Variants in SESN1 observed in about 807,000 individuals in gnomAD.
The protein encoded by SESN1 is sestrin-1.
SESN1 carries 30 observed loss-of-function variants against 59.3 expected under a neutral mutation model. The observed-to-expected ratio is 0.51, with a 90% CI of 0.38 to 0.69. SESN1 has a LOEUF of 0.69. SESN1 is among the 30% of genes least tolerant of loss of function. SESN1 has a pLI of 0.00. For missense variants in SESN1, 566 were observed against 673.0 expected, an observed-to-expected ratio of 0.84 and a Z score of 1.76; for synonymous variants, 197 against 219.9, an observed-to-expected ratio of 0.90 and a Z score of 0.92.
intron 1 of SESN1, among the ~76,000 whole-genome samples, chr6:109,086,792 GT>G (rs915276250): frequency 6.6e-6 from 1 of 152,158 alleles, no homozygotes; most frequent in Non-Finnish European, 1.5e-5. Context: ...AAATGAATCA[GT>G]TTTTTTCATG....
chr6:109,029,563 T>C (rs150024027), intron 1 of SESN1, among the ~76,000 whole-genome samples: 3 of 152,138 alleles, frequency 2.0e-5, no homozygotes, highest in Non-Finnish European at 4.4e-5. Context: ...TTAAGATGGG[T>C]TCTTGCTCTG....
intron 1 of SESN1, among the ~76,000 whole-genome samples, chr6:109,027,476 C>CAAAA (rs57225616): frequency 0.11 from 2,904 of 27,314 alleles, 376 homozygotes; most frequent in Non-Finnish European, 0.18. Context: ...GACTCTGTCT[C>CAAAA]AAAAAAAAAA....
chr6:109,085,961 T>C (rs1043537477), intron 1 of SESN1, among the ~76,000 whole-genome samples: 1 of 152,214 alleles, frequency 6.6e-6, no homozygotes, highest in African/African-American at 2.4e-5. Flanking sequence ...TCCATGCTAA[T>C]TTGCTACAAC....
intron 1 of SESN1, among the ~76,000 whole-genome samples, chr6:109,050,614 C>A (rs1357202452): frequency 2.6e-5 from 4 of 152,158 alleles, no homozygotes; most frequent in Non-Finnish European, 5.9e-5. Context: ...AATAACCTAT[C>A]TATACAAATG....
chr6:109,072,439 A>G (rs552489555), intron 1 of SESN1, among the ~76,000 whole-genome samples: 1 of 152,346 alleles, frequency 6.6e-6, no homozygotes, highest in African/African-American at 2.4e-5. Flanking sequence ...AGTCACATAT[A>G]ATTTCCCCAA....
In SESN1 at chr6:109,072,672, T is replaced by C. The variant is rs114414139; in HGVS notation, c.279+21123A>G. On this transcript the variant is annotated intron_variant, in intron 1 of 9. Transcript: ENST00000436639. ...TAAAACAGTAACTTTTGATTCTTGATGCCTCATGTTTAATTATACAATGAC... is the reference window on the plus strand; with the variant it reads ...TAAAACAGTAACTTTTGATTCTTGACGCCTCATGTTTAATTATACAATGAC... Among the ~76,000 whole-genome samples the C allele has an allele frequency of 7.8e-3, 1,189 of 152,320 alleles. 21 individuals are homozygous for C. The highest frequency in any genetic ancestry group is 0.027 in the African/African-American group (1,142 of 41,558).
intron 1 of SESN1, among the ~76,000 whole-genome samples, chr6:109,091,623 T>G (rs1485709542): frequency 6.6e-6 from 1 of 152,254 alleles, no homozygotes; most frequent in Non-Finnish European, 1.5e-5. Context: ...ATTTATTCAT[T>G]TATCATGTCT....
At chr6:109,020,331 T>C (rs1779991137) in intron 1 of SESN1, among the ~76,000 whole-genome samples, 2 of 152,220 alleles carry the variant, frequency 1.3e-5, no homozygotes, top group African/African-American at 4.8e-5. Context: ...GATTATTTGT[T>C]TCATCTTTAT....
At chr6:109,027,123 T>C (rs961493515) in intron 1 of SESN1, among the ~76,000 whole-genome samples, 1 of 151,986 alleles carries the variant, frequency 6.6e-6, no homozygotes, top group Non-Finnish European at 1.5e-5. Context: ...TGGGCTGAGA[T>C]TGCATCACTG....
chr6:109,050,053 T>A (rs1780517486), intron 1 of SESN1, among the ~76,000 whole-genome samples: 1 of 152,206 alleles, frequency 6.6e-6, no homozygotes, highest in African/African-American at 2.4e-5. Flanking sequence ...AAACTCTGTA[T>A]ATGAAGTAAA....
At chr6:109,083,427 C>T (rs1476502148) in intron 1 of SESN1, among the ~76,000 whole-genome samples, 2 of 152,006 alleles carry the variant, frequency 1.3e-5, no homozygotes, top group Admixed American at 6.6e-5. Context: ...AATAGATAAG[C>T]ATAGGGTTTG....
At chr6:108,992,589 T>A (rs1779408720) in intron 7 of SESN1, among the ~76,000 whole-genome samples, 198 bp downstream of exon 7, 1 of 152,228 alleles carries the variant, frequency 6.6e-6, no homozygotes, top group African/African-American at 2.4e-5. Context: ...ATAAAATTTT[T>A]AAGATATACA....
intron 1 of SESN1, among the ~76,000 whole-genome samples, chr6:109,087,029 G>A (rs765207977): frequency 9.9e-5 from 15 of 152,202 alleles, no homozygotes; most frequent in Non-Finnish European, 1.8e-4. Flanking sequence ...CTACTCAGGA[G>A]GCTGAGGCAG....
intron 1 of SESN1, among the ~76,000 whole-genome samples, chr6:109,059,337 G>A (rs117530635): frequency 3.1e-3 from 470 of 152,180 alleles, no homozygotes; most frequent in Admixed American, 4.7e-3. Flanking sequence ...CTACTGCAAC[G>A]ATCAGTAGGT....
chr6:109,001,626 C>T, intron 2 of SESN1, 138 bp from the exon 3 acceptor site: 1 of 723,036 alleles, frequency 1.4e-6, no homozygotes, highest in Non-Finnish European at 2.3e-6. Context: ...CAAATTTAAA[C>T]TCAACTGGTT....
chr6:108,990,710 T>C lies in SESN1; in HGVS notation c.1359A>G (p.Lys453=). The change falls in exon 8 of 10, where the codon AAA becomes AAG. Residue 453 remains lysine (K), a synonymous_variant. Coordinates refer to ENST00000436639, the MANE Select transcript of SESN1 (RefSeq NM_014454.3). Reference sequence around the variant, plus strand: ...GTCTAAGCATTGAGGTATCAACATCTTTGTGCATTGCCATTGTATTATAAG... The same window carrying C: ...GTCTAAGCATTGAGGTATCAACATCCTTGTGCATTGCCATTGTATTATAAG... ...NLTYNTMAMH[K]DVDTSMLRRA... is the part of the protein sequence containing the mutation. 1 of 1,614,150 alleles carries C rather than the reference T, an allele frequency of 6.2e-7. No homozygotes were observed. The highest frequency in any genetic ancestry group is 8.5e-7 in the Non-Finnish European group (1 of 1,180,006).
At chr6:109,040,842 C>T (rs373427524) in intron 1 of SESN1, among the ~76,000 whole-genome samples, 5 of 151,680 alleles carry the variant, frequency 3.3e-5, no homozygotes, top group East Asian at 2.0e-4. Context: ...TTAGTAGAGA[C>T]GGGGTTTCAC....
In SESN1 at chr6:108,985,668, ACT is replaced by A. The variant is rs1364658595; in HGVS notation, c.*1874_*1875del. ...TTCTAGTTGATCTTGTTTTGTGATC[ACT>A]CTACTGCTGATTAGAATCTCTACTA... On this transcript the variant is annotated 3_prime_UTR_variant, in exon 10 of 10. Transcript: ENST00000436639. 2.0e-5 allele frequency among the ~76,000 whole-genome samples: 3 copies of A among 152,114 alleles called. No individual in the cohort carries two copies. Among genetic ancestry groups the A allele is most frequent in the African/African-American group, 7.2e-5 (3 of 41,418 alleles).
At chr6:109,022,576 T>G (rs1451986636) in intron 1 of SESN1, among the ~76,000 whole-genome samples, 1 of 151,730 alleles carries the variant, frequency 6.6e-6, no homozygotes, top group African/African-American at 2.4e-5. Context: ...GCCCGGCTAA[T>G]TTTTTGTATT....
Sources: gnomAD v4.1 joint callset for allele counts (sites outside exome capture counted in the v4.1 genomes callset) on GRCh38, gnomAD v4.1.1 for gene constraint, MANE v1.5 for transcripts, NCBI Gene and HGNC (gene_info 2026-07-23, HGNC 2026-07-21) for gene names.